The following NADK2 variants were observed in gnomAD, a reference collection of about 807,000 sequenced individuals.
The protein encoded by NADK2 is NAD kinase 2, mitochondrial.
Under a neutral mutation model 62.1 loss-of-function variants are expected in NADK2, and 35 were observed. The observed-to-expected ratio is 0.56, with a 90% CI of 0.43 to 0.75. The LOEUF (loss-of-function observed/expected upper bound fraction) is 0.75, where lower values mean the gene tolerates loss of function less well. NADK2 is among the 30% of genes least tolerant of loss of function. NADK2 has a pLI of 0.00. For missense variants in NADK2, 439 were observed against 561.3 expected (o/e 0.78, Z 2.20); for synonymous variants, 205 against 207.9 (o/e 0.99, Z 0.12).
intron 7 of NADK2, among the ~76,000 whole-genome samples, chr5:36,211,247 T>C (rs947854673): frequency 1.2e-4 from 18 of 152,188 alleles, no homozygotes; most frequent in African/African-American, 4.1e-4. Flanking sequence ...TAAAGACAGG[T>C]ATAAGAAATT....
intron 7 of NADK2, among the ~76,000 whole-genome samples, chr5:36,210,832 C>A (rs1381095555): frequency 6.6e-6 from 1 of 152,146 alleles, no homozygotes. Context: ...CTATCAACTG[C>A]AAATTTATAC....
intron 1 of NADK2, among the ~76,000 whole-genome samples, chr5:36,238,496 C>T (rs1036973543): frequency 6.6e-6 from 1 of 152,124 alleles, no homozygotes; most frequent in African/African-American, 2.4e-5. Context: ...TATTCAGTTC[C>T]CCATCCCTGG....
Position 36,193,898 on chromosome 5 carries a change from A to G in NADK2, c.*1246T>C, listed in dbSNP as rs893841611. The G allele has an allele frequency of 6.6e-6, 1 of 152,650 alleles. No individual in the cohort carries two copies. Among genetic ancestry groups the G allele is most frequent in the Non-Finnish European group, 1.5e-5 (1 of 68,032 alleles). The allele number at this position is 152,650 out of a possible 1,614,324, so 9.5% of individuals were successfully genotyped here. A position where few individuals can be genotyped will look rare whatever the true frequency, so the allele number is the denominator to read the frequency against. ...TTCATCAACATATCCAGCACCTGAC[A>G]TAGTTTTACATGGCACAGAGTGGGT... is the stretch of plus-strand genomic sequence containing the variant. On this transcript the variant is annotated 3_prime_UTR_variant, in exon 12 of 12. Transcript: ENST00000381937.
chr5:36,220,856 A>G (rs6873176), intron 4 of NADK2, among the ~76,000 whole-genome samples: 140,807 of 152,220 alleles, frequency 0.93, 65,615 homozygotes, highest in Non-Finnish European at 0.98. Flanking sequence ...GGTGCTGGCC[A>G]TTGGCAGGAG....
At chr5:36,232,342 G>A (rs940124561) in intron 1 of NADK2, among the ~76,000 whole-genome samples, 2 of 152,104 alleles carry the variant, frequency 1.3e-5, no homozygotes, top group Admixed American at 1.3e-4. Context: ...AGCTTAATAA[G>A]GGAAGGAGTT....
Position 36,241,420 on chromosome 5 carries a change from A to G in NADK2, c.300+79T>C, listed in dbSNP as rs1040345395. 1.4e-6 allele frequency: 2 copies of G among 1,431,074 alleles called. No homozygotes were observed. Among genetic ancestry groups the G allele is most frequent in the Admixed American group, 2.6e-5 (1 of 38,152 alleles). The allele number at this position is 1,431,074 out of a possible 1,614,324, so 88.6% of individuals were successfully genotyped here. A position where few individuals can be genotyped will look rare whatever the true frequency, so the allele number is the denominator to read the frequency against. ...GTGCCCTGGGAAGAGTCGTCCCGAG[A>G]GGTCCCCCCGAGGGGGCGCAGCCGC... is the stretch of plus-strand genomic sequence containing the variant. On this transcript the variant is annotated intron_variant, in intron 1 of 11. Coordinates refer to ENST00000381937, the MANE Select transcript of NADK2 (RefSeq NM_001085411.3). The surrounding 1 kb of genome is among the most constrained non-coding windows in gnomAD (Gnocchi z 4.9).
intron 6 of NADK2, 43 bp downstream of exon 6, chr5:36,217,705 G>A (rs1015646368): frequency 1.2e-6 from 2 of 1,611,948 alleles, no homozygotes; most frequent in Non-Finnish European, 1.7e-6. Context: ...GGAGCTATGA[G>A]TTAAATATTT....
Position 36,217,770 on chromosome 5 carries a change from G to C in NADK2, c.759C>G (p.Asn253Lys), listed in dbSNP as rs1417843357. The change falls in exon 6 of 12, where the codon AAC becomes AAG. Residue 253 changes from asparagine (N) to lysine (K), a missense_variant. Asn to Lys is a moderately conservative substitution (Grantham distance 94). Coordinates refer to ENST00000381937, the MANE Select transcript of NADK2 (RefSeq NM_001085411.3). ...TACTTTCATCATGAGCTCTTTCAAT[G>C]TTAAGGGCTCTATTGTGCTGATTCA... ...LSLNQHNRALNIERAHDERSE... is the reference protein window; with the variant it reads ...LSLNQHNRALKIERAHDERSE... 6.2e-7 allele frequency: 1 copy of C among 1,613,866 alleles called. No homozygotes were observed. The highest frequency in any genetic ancestry group is 8.5e-7 in the Non-Finnish European group (1 of 1,179,844).
Position 36,241,303 on chromosome 5 carries a change from C to T in NADK2, c.300+196G>A, listed in dbSNP as rs951142215. On this transcript the variant is annotated intron_variant, in intron 1 of 11. Transcript: ENST00000381937. This position sits in a 1 kb window ranked among gnomAD's most constrained non-coding sequence, Gnocchi z 4.9. ...TCTCTCCCCCTCTCCCCGGCCCTGC[C>T]TCTCCCTCGCACACACGCCCAAAGG... is the stretch of plus-strand genomic sequence containing the variant. 77 of 1,116,148 alleles carry T rather than the reference C, an allele frequency of 6.9e-5. No individual in the cohort carries two copies. The highest frequency in any genetic ancestry group is 7.4e-5 in the Non-Finnish European group (63 of 853,328). The allele number at this position is 1,116,148 out of a possible 1,614,324, so 69.1% of individuals were successfully genotyped here. A position where few individuals can be genotyped will look rare whatever the true frequency, so the allele number is the denominator to read the frequency against.
rs1446415850 is a variant in NADK2 at position 36,241,614 on chromosome 5, G to C, written c.185C>G (p.Ala62Gly). ...CCGGGAGGGGCGGAAGCCGCCGTCC[G>C]CGCGGCTGCCACAGCCCGCCAGCTC... ...PRELAGCGSRADGGFRPSRVV... is the reference protein window; with the variant it reads ...PRELAGCGSRGDGGFRPSRVV... The change falls in exon 1 of 12, where the codon GCG becomes GGG. Residue 62 changes from alanine to glycine, a missense_variant. By Grantham distance (60) the Ala-to-Gly change is moderately conservative. Coordinates refer to ENST00000381937, the MANE Select transcript of NADK2 (RefSeq NM_001085411.3). This position sits in a 1 kb window ranked among gnomAD's most constrained non-coding sequence, Gnocchi z 4.9. The C allele has an allele frequency of 2.0e-6, 3 of 1,490,022 alleles. No homozygotes were observed. The highest frequency in any genetic ancestry group is 2.5e-5 in the South Asian group (2 of 80,320). 92.3% of individuals were successfully genotyped at this position (1,490,022 alleles called of 1,614,324 possible).
intron 7 of NADK2, among the ~76,000 whole-genome samples, chr5:36,210,515 T>C (rs913985662): frequency 2.0e-5 from 3 of 152,120 alleles, no homozygotes; most frequent in African/African-American, 7.2e-5. Flanking sequence ...CTATGGAGCA[T>C]TTGTGTCAAA....
At chr5:36,217,693 A>C (rs561142346) in intron 6 of NADK2, 55 bp downstream of exon 6, 8 of 1,606,106 alleles carry the variant, frequency 5.0e-6, no homozygotes, top group Non-Finnish European at 6.8e-6. Flanking sequence ...TTTGAGGTCA[A>C]AGGAGCTATG....
chr5:36,201,117 A>G lies in NADK2; in HGVS notation c.1001T>C (p.Val334Ala), dbSNP rs1225448610. Residue 334 changes from valine to alanine, a missense_variant, in exon 9 of 12, where the codon GTT becomes GCT. By Grantham distance (64) the Val-to-Ala change is moderately conservative. Coordinates refer to ENST00000381937, the MANE Select transcript of NADK2 (RefSeq NM_001085411.3). ...GTTTTGGTACTCACCAATATTTAAAACATCTTCTACAGCCTGAGTTGCAAC... is the reference window on the plus strand; with the variant it reads ...GTTTTGGTACTCACCAATATTTAAAGCATCTTCTACAGCCTGAGTTGCAAC... ...NRVATQAVEDVLNIAKRQGNL... is the reference protein window; with the variant it reads ...NRVATQAVEDALNIAKRQGNL... 7 of 1,612,452 alleles carry G rather than the reference A, an allele frequency of 4.3e-6. No individual in the cohort carries two copies. Among genetic ancestry groups the G allele is most frequent in the Non-Finnish European group, 5.9e-6 (7 of 1,178,936 alleles).
chr5:36,201,417 A>G (rs1746442927), intron 8 of NADK2, among the ~76,000 whole-genome samples: 1 of 151,998 alleles, frequency 6.6e-6, no homozygotes, highest in Non-Finnish European at 1.5e-5. Flanking sequence ...ATATTCTTCA[A>G]TCTAGTAATT....
chr5:36,230,563 G>A (rs1268009044), intron 1 of NADK2, among the ~76,000 whole-genome samples: 2 of 152,228 alleles, frequency 1.3e-5, no homozygotes, highest in Non-Finnish European at 2.9e-5. Flanking sequence ...CAGGGCCTAA[G>A]TACTAGCTAA....
intron 4 of NADK2, among the ~76,000 whole-genome samples, chr5:36,224,981 A>T (rs1262122314): frequency 1.3e-5 from 2 of 152,162 alleles, no homozygotes; most frequent in African/African-American, 4.8e-5. Context: ...GCCATAAGGA[A>T]GGGTAGAAAA....
Position 36,194,490 on chromosome 5 carries a change from T to C in NADK2, c.*654A>G, listed in dbSNP as rs1427638552. The C allele has an allele frequency of 6.6e-6, 1 of 152,208 alleles. No individual in the cohort carries two copies. Among genetic ancestry groups the C allele is most frequent in the African/African-American group, 2.4e-5 (1 of 41,460 alleles). 9.4% of individuals were successfully genotyped at this position (152,208 alleles called of 1,614,324 possible). On this transcript the variant is annotated 3_prime_UTR_variant, in exon 12 of 12. Transcript: ENST00000381937. ...GCATCATGATTTGTTTTGCTATCTGTATTTCACCCAGAACTGCTGAATTAC... is the reference window on the plus strand; with the variant it reads ...GCATCATGATTTGTTTTGCTATCTGCATTTCACCCAGAACTGCTGAATTAC...
chr5:36,219,788 T>C, intron 4 of NADK2, 109 bp from the exon 5 acceptor site: 3 of 794,262 alleles, frequency 3.8e-6, no homozygotes, highest in Non-Finnish European at 6.0e-6. Flanking sequence ...AGAAATGAAA[T>C]TCTAAAAATG....
chr5:36,222,747 T>G (rs767597649), intron 4 of NADK2, among the ~76,000 whole-genome samples: 10 of 152,110 alleles, frequency 6.6e-5, no homozygotes, highest in Non-Finnish European at 1.5e-4. Flanking sequence ...AAACAAACTA[T>G]AAAGGGCTGA....
Sources: allele counts gnomAD v4.1 joint callset (sites outside exome capture counted in the v4.1 genomes callset), GRCh38; gene constraint gnomAD v4.1.1; non-coding constraint Gnocchi (gnomAD v3.1); transcripts MANE v1.5; gene names NCBI Gene and HGNC (gene_info 2026-07-23, HGNC 2026-07-21).